The following KNTC1 variants were observed in gnomAD, a reference collection of about 807,000 sequenced individuals.
The protein encoded by KNTC1 is kinetochore-associated protein 1.
A neutral mutation model predicts 314.4 loss-of-function variants in KNTC1; 253 were observed. The ratio of observed to expected loss-of-function variants is 0.80; its 90% confidence interval spans 0.73 to 0.89. The LOEUF is 0.89. Ranked by LOEUF, KNTC1 falls within the 40% of genes least tolerant of loss-of-function variation. The probability of loss-of-function intolerance (pLI) is 0.00; values close to 1 mark genes in which losing one functional copy is unlikely to be tolerated. For synonymous variants in KNTC1, 901 were observed against 901.4 expected, an observed-to-expected ratio of 1.00 and a Z score of 0.01; for missense variants, 2,475 against 2,572.9, an observed-to-expected ratio of 0.96 and a Z score of 0.82.
chr12:122,621,826 C>A, intron 60 of KNTC1, 55 bp from the exon 61 acceptor site: 2 of 1,154,458 alleles, frequency 1.7e-6, no homozygotes, highest in Non-Finnish European at 2.5e-6. Context: ...ACGGCTCTTG[C>A]TGTTGGAATA....
intron 10 of KNTC1, 98 bp downstream of exon 10, chr12:122,546,772 C>T (rs1593506981): frequency 2.8e-6 from 2 of 712,844 alleles, no homozygotes; most frequent in Middle Eastern, 2.4e-4. Context: ...GGGTGGATAA[C>T]TATCTTGTGT....
chr12:122,594,110 A>G, intron 42 of KNTC1, 166 bp from the exon 43 acceptor site: 1 of 588,592 alleles, frequency 1.7e-6, no homozygotes, highest in South Asian at 2.1e-5. Context: ...TACACCTCAA[A>G]TCTCAGAATG....
Position 122,570,375 on chromosome 12 carries a change from CGGGCAT to C in KNTC1, c.1861-498_1861-493del, listed in dbSNP as rs1964605998. ...GTCTACTAAAAATACAAAAATTAGC[CGGGCAT>C]GGTGGCATGCCTGTAATCACAGCCA... On this transcript the variant is annotated intron_variant, in intron 22 of 63. Coordinates refer to ENST00000333479, the MANE Select transcript of KNTC1 (RefSeq NM_014708.6). Among the ~76,000 whole-genome samples the C allele has an allele frequency of 2.0e-5, 3 of 151,492 alleles. No homozygotes were observed. The East Asian group carries it at 5.8e-4, about 29-fold the overall frequency.
intron 6 of KNTC1, among the ~76,000 whole-genome samples, chr12:122,542,951 C>T (rs778081648): frequency 2.0e-4 from 31 of 151,974 alleles, no homozygotes; most frequent in South Asian, 4.2e-4. Flanking sequence ...CTTGCTCTGT[C>T]GCCCAGGCTG....
Position 122,597,861 on chromosome 12 carries a change from G to C in KNTC1, c.4486G>C (p.Ala1496Pro), listed in dbSNP as rs768470799. The C allele has an allele frequency of 3.7e-6, 6 of 1,614,034 alleles. No individual in the cohort carries two copies. The highest frequency in any genetic ancestry group is 5.1e-6 in the Non-Finnish European group (6 of 1,179,888). The change falls in exon 44 of 64, where the codon GCC (alanine) becomes CCC (proline). Residue 1496 changes from alanine (A) to proline (P), a missense_variant. By Grantham distance (27) the Ala-to-Pro change is conservative. Coordinates refer to ENST00000333479, the MANE Select transcript of KNTC1 (RefSeq NM_014708.6). Reference protein sequence around the residue: ...SAKRRHPKLLAKALEMVPLLT... With the variant: ...SAKRRHPKLLPKALEMVPLLT... ...AAAGCGGCGGCATCCCAAACTCCTG[G>C]CCAAAGCCCTTGAGATGGTTCCTTT...
rs188125781 is a variant in KNTC1 at position 122,554,191 on chromosome 12, A to G, written c.1272+2495A>G. Among the ~76,000 whole-genome samples the G allele has an allele frequency of 1.1e-3, 157 of 149,364 alleles. 4 individuals are homozygous for G. Among genetic ancestry groups the G allele is most frequent in the Non-Finnish European group, 1.2e-4 (8 of 67,374 alleles). ...AGTAATCCACCTGCCTTAGCCTCCCAAGGTGCTGGGATTACAGGCATGAGC... is the reference window on the plus strand; with the variant it reads ...AGTAATCCACCTGCCTTAGCCTCCCGAGGTGCTGGGATTACAGGCATGAGC... On this transcript the variant is annotated intron_variant, in intron 16 of 63. Transcript: ENST00000333479.
rs758646306 is a variant in KNTC1 at position 122,591,336 on chromosome 12, G to A, written c.4129-1G>A. 2 of 1,525,682 alleles carry A rather than the reference G, an allele frequency of 1.3e-6. No homozygotes were observed. The highest frequency in any genetic ancestry group is 2.3e-5 in the East Asian group (1 of 44,376). The allele number at this position is 1,525,682 out of a possible 1,614,324, so 94.5% of individuals were successfully genotyped here. On this transcript the variant is annotated splice_acceptor_variant, in intron 41 of 63. Transcript: ENST00000333479. LOFTEE classifies it high-confidence loss of function. ...ACTTTAATTCTCTTTTAATTTTTTA[G>A]GCAATATCTCTGGTGGGCTCTGAGC...
At chr12:122,570,793 AG>A (rs1964634186) in intron 22 of KNTC1, 82 bp from the exon 23 acceptor site, 1 of 931,176 alleles carries the variant, frequency 1.1e-6, no homozygotes, top group Non-Finnish European at 1.6e-6. Context: ...AAATATTTAA[AG>A]GAAAAAAAAG....
chr12:122,622,600 G>A lies in KNTC1; in HGVS notation c.6508G>A (p.Asp2170Asn). ...TGAGCTAGTGAACTATTTGGCAAAT[G>A]ACTTAAGGTAAGTTAATTAAAAAAA... Reference protein sequence around the residue: ...ITELVNYLANDLSLDEASVLI... With the variant: ...ITELVNYLANNLSLDEASVLI... Residue 2170 changes from aspartate (D) to asparagine (N), a missense_variant, in exon 62 of 64, where the codon GAC becomes AAC. Transcript: ENST00000333479. 2 of 1,516,240 alleles carry A rather than the reference G, an allele frequency of 1.3e-6. No homozygotes were observed. Among genetic ancestry groups the A allele is most frequent in the Non-Finnish European group, 1.8e-6 (2 of 1,134,132 alleles). 93.9% of individuals were successfully genotyped at this position (1,516,240 alleles called of 1,614,324 possible).
chr12:122,536,512 G>A (rs564125063), intron 3 of KNTC1, among the ~76,000 whole-genome samples: 14 of 150,246 alleles, frequency 9.3e-5, no homozygotes, highest in African/African-American at 3.4e-4. Context: ...GTGAGCCACC[G>A]TGCCAGGCCT....
chr12:122,610,923 A>G, intron 53 of KNTC1, 23 bp downstream of exon 53: 1 of 1,548,716 alleles, frequency 6.5e-7, no homozygotes, highest in Non-Finnish European at 8.9e-7. Flanking sequence ...AACTTAATCC[A>G]AACTCTTCTG....
At chr12:122,543,780 T>TA in intron 7 of KNTC1, 146 bp downstream of exon 7, 1 of 609,898 alleles carries the variant, frequency 1.6e-6, no homozygotes, top group South Asian at 2.5e-5. Context: ...TATTTAAAAA[T>TA]ACATTTATGC....
At chr12:122,530,607 T>G (rs1157976532) in intron 2 of KNTC1, among the ~76,000 whole-genome samples, 1 of 151,964 alleles carries the variant, frequency 6.6e-6, no homozygotes, top group Non-Finnish European at 1.5e-5. Context: ...TGTGCCACCA[T>G]GCTCAGCTAA....
chr12:122,624,797 G>A (rs1406697913), intron 63 of KNTC1, 109 bp downstream of exon 63: 1 of 797,080 alleles, frequency 1.3e-6, no homozygotes, highest in Non-Finnish European at 2.2e-6. Flanking sequence ...GTATTTTTAT[G>A]TGTAACTGTA....
At chr12:122,554,084 T>A (rs1326090438) in intron 16 of KNTC1, among the ~76,000 whole-genome samples, 13 of 140,592 alleles carry the variant, frequency 9.2e-5, no homozygotes, top group African/African-American at 3.0e-4. Flanking sequence ...AAAATATATA[T>A]ATATATATAT....
chr12:122,622,416 C>G, intron 61 of KNTC1, 46 bp from the exon 62 acceptor site: 1 of 1,418,346 alleles, frequency 7.1e-7, no homozygotes, highest in Non-Finnish European at 9.7e-7. Flanking sequence ...AAGTCTGATT[C>G]TAATAGATTA....
intron 20 of KNTC1, among the ~76,000 whole-genome samples, chr12:122,565,039 G>C (rs1041430741): frequency 2.6e-5 from 4 of 151,942 alleles, no homozygotes; most frequent in Non-Finnish European, 5.9e-5. Flanking sequence ...GTAGGGGAGG[G>C]CCCATTTTCT....
chr12:122,586,080 G>C (rs61398826), intron 37 of KNTC1, among the ~76,000 whole-genome samples: 48,362 of 151,710 alleles, frequency 0.32, 8,883 homozygotes, highest in African/African-American at 0.5. Context: ...TGTTTGTTTT[G>C]TTTTGTTTTG....
rs1328880078 is a variant in KNTC1, at chr12:122,613,895, C to G, written c.5877+134C>G. The G allele has an allele frequency of 6.8e-6, 6 of 877,616 alleles. No individual in the cohort carries two copies. The African/African-American group carries it at 8.8e-5, about 13-fold the overall frequency. 54.4% of individuals were successfully genotyped at this position (877,616 alleles called of 1,614,324 possible). A position where few individuals can be genotyped will look rare whatever the true frequency, so the allele number is the denominator to read the frequency against. On this transcript the variant is annotated intron_variant, in intron 55 of 63. Coordinates refer to ENST00000333479, the MANE Select transcript of KNTC1 (RefSeq NM_014708.6). ...TTGCTCTGTTGCCCAGGCTGGAGTA[C>G]AGTGGTGTGATCTCAGCTCACTGCA...
Sources: allele counts gnomAD v4.1 joint callset (sites outside exome capture counted in the v4.1 genomes callset), GRCh38; gene constraint gnomAD v4.1.1; transcripts MANE v1.5; gene names NCBI Gene and HGNC (gene_info 2026-07-23, HGNC 2026-07-21).